The following C4orf17 variants were observed in gnomAD, a reference collection of about 807,000 sequenced individuals.
The protein encoded by C4orf17 is uncharacterized protein C4orf17.
In C4orf17, 25 loss-of-function variants were observed where a neutral mutation model predicts 32.0. The ratio of observed to expected loss-of-function variants is 0.78; its 90% CI spans 0.57 to 1.09. C4orf17 has a LOEUF of 1.09. C4orf17 is among the 50% of genes least tolerant of loss of function. The pLI is 0.00. For missense variants in C4orf17, 420 were observed against 420.0 expected, an observed-to-expected ratio of 1.00 and a Z score of 0.00; for synonymous variants, 149 against 145.8, an observed-to-expected ratio of 1.02 and a Z score of -0.16.
intron 5 of C4orf17, among the ~76,000 whole-genome samples, chr4:99,533,407 A>T (rs762032832): frequency 6.6e-6 from 1 of 152,200 alleles, no homozygotes; most frequent in Non-Finnish European, 1.5e-5. Context: ...ACTGGGCAAC[A>T]GACACTACAG....
chr4:99,518,122 C>T (rs1723216326), intron 2 of C4orf17, among the ~76,000 whole-genome samples: 1 of 152,120 alleles, frequency 6.6e-6, no homozygotes, highest in African/African-American at 2.4e-5. Flanking sequence ...GTCACAGCTC[C>T]ATTCTAGGCC....
At position 99,524,594 on chromosome 4, in the gene C4orf17, C is replaced by A; in HGVS notation, c.402+9C>A. The A allele has an allele frequency of 6.5e-7, 1 of 1,533,742 alleles. No individual in the cohort carries two copies. Among genetic ancestry groups the A allele is most frequent in the Admixed American group, 1.7e-5 (1 of 57,310 alleles). ...CCTTAGTAATTAAAAAGGTAAGGAA[C>A]AGCTATTTACTGCTATCTATTTAGT... On this transcript the variant is annotated intron_variant, in intron 4 of 8. Transcript: ENST00000326581.
Position 99,513,224 on chromosome 4 carries a change from G to T in C4orf17, c.127+16G>T. 1 of 1,613,384 alleles carries T rather than the reference G, an allele frequency of 6.2e-7. No individual in the cohort carries two copies. On this transcript the variant is annotated intron_variant, in intron 2 of 8. Coordinates refer to ENST00000326581, the MANE Select transcript of C4orf17 (RefSeq NM_032149.3). Reference sequence around the variant, plus strand: ...CACATCAAAGGTAAGGTGACTTAAGGTCCTAGTATGTGTCTCTATTCTCTA... The same window carrying T: ...CACATCAAAGGTAAGGTGACTTAAGTTCCTAGTATGTGTCTCTATTCTCTA...
chr4:99,537,697 A>T lies in C4orf17; in HGVS notation c.575A>T (p.His192Leu). ...KILAKLCSIL[H>L]TDSLAEVLQW... ...CTGGCAAAGCTCTGTAGCATTTTGC[A>T]TACTGATTCTCTGGCAGAAGTTTTA... is the stretch of plus-strand genomic sequence containing the variant. Residue 192 changes from histidine (H) to leucine (L), a missense_variant, in exon 6 of 9, where the codon CAT (histidine) becomes CTT (leucine). His to Leu is a moderately conservative substitution (Grantham distance 99). Transcript: ENST00000326581. 6.2e-7 allele frequency: 1 copy of T among 1,612,914 alleles called. No homozygotes were observed. Among genetic ancestry groups the T allele is most frequent in the Admixed American group, 1.7e-5 (1 of 60,028 alleles).
intron 2 of C4orf17, among the ~76,000 whole-genome samples, chr4:99,518,301 C>T (rs111894116): frequency 7.4e-4 from 111 of 150,924 alleles, no homozygotes; most frequent in African/African-American, 2.6e-3. Flanking sequence ...CACTTGCAAT[C>T]CCAACACTTT....
intron 2 of C4orf17, chr4:99,519,509 A>C (rs1723249176): frequency 6.6e-6 from 1 of 152,202 alleles, no homozygotes. Context: ...GATTTACCTC[A>C]ACTTCCTAAG....
At chr4:99,522,431 A>G in intron 2 of C4orf17, 69 bp from the exon 3 acceptor site, 1 of 1,224,326 alleles carries the variant, frequency 8.2e-7, no homozygotes, top group East Asian at 2.3e-5. Flanking sequence ...TTGATCATTC[A>G]AAGAAAACCT....
At chr4:99,515,230 T>G (rs1723160415) in intron 2 of C4orf17, among the ~76,000 whole-genome samples, 1 of 152,074 alleles carries the variant, frequency 6.6e-6, no homozygotes, top group Non-Finnish European at 1.5e-5. Flanking sequence ...CATTCTGTTA[T>G]AAAGACACCT....
intron 6 of C4orf17, among the ~76,000 whole-genome samples, chr4:99,537,971 T>A (rs1464228660): frequency 1.1e-4 from 16 of 152,188 alleles, no homozygotes; most frequent in Non-Finnish European, 1.5e-5. Flanking sequence ...TAAATTGAAC[T>A]CATTTGGGTG....
At chr4:99,527,219 T>C (rs903337401) in intron 4 of C4orf17, among the ~76,000 whole-genome samples, 1 of 152,356 alleles carries the variant, frequency 6.6e-6, no homozygotes, top group East Asian at 1.9e-4. Flanking sequence ...GATATCTTTA[T>C]GTTATTAATT....
chr4:99,520,874 C>G (rs1723277780), intron 2 of C4orf17, among the ~76,000 whole-genome samples: 1 of 152,016 alleles, frequency 6.6e-6, no homozygotes, highest in Non-Finnish European at 1.5e-5. Flanking sequence ...GTAAATAACT[C>G]CTGTAAGTTA....
intron 5 of C4orf17, among the ~76,000 whole-genome samples, chr4:99,530,946 A>G (rs1364174266): frequency 3.9e-5 from 6 of 152,024 alleles, no homozygotes; most frequent in Non-Finnish European, 8.8e-5. Context: ...TGATCTTTCT[A>G]TAATTTTCTC....
chr4:99,539,547 C>T (rs1723619127), intron 7 of C4orf17, among the ~76,000 whole-genome samples, 177 bp downstream of exon 7: 3 of 152,154 alleles, frequency 2.0e-5, no homozygotes, highest in Non-Finnish European at 4.4e-5. Flanking sequence ...AAGAATTGTT[C>T]TCAATTCTAT....
chr4:99,518,144 C>A (rs919727180), intron 2 of C4orf17, among the ~76,000 whole-genome samples: 1 of 152,088 alleles, frequency 6.6e-6, no homozygotes, highest in Admixed American at 6.6e-5. Context: ...CTGTTATCTC[C>A]TCCTTTGATG....
intron 4 of C4orf17, among the ~76,000 whole-genome samples, chr4:99,525,841 A>G (rs1723379103): frequency 6.6e-6 from 1 of 151,936 alleles, no homozygotes; most frequent in African/African-American, 2.4e-5. Flanking sequence ...ATAATGTTGT[A>G]AAAGTTCTTC....
At chr4:99,532,954 G>C (rs917265334) in intron 5 of C4orf17, among the ~76,000 whole-genome samples, 1 of 152,166 alleles carries the variant, frequency 6.6e-6, no homozygotes, top group Non-Finnish European at 1.5e-5. Flanking sequence ...CCAGTCAAGT[G>C]ACCTTCGTAT....
intron 5 of C4orf17, among the ~76,000 whole-genome samples, chr4:99,531,533 A>G (rs1185125782): frequency 6.6e-6 from 1 of 152,026 alleles, no homozygotes; most frequent in South Asian, 2.1e-4. Flanking sequence ...CTCCTCTCAA[A>G]AGCATCTTCT....
intron 5 of C4orf17, among the ~76,000 whole-genome samples, chr4:99,534,429 T>C (rs1560590530): frequency 6.6e-6 from 1 of 152,236 alleles, no homozygotes; most frequent in Non-Finnish European, 1.5e-5. Context: ...CGAATAGTGC[T>C]GCAGTGAACA....
rs1209919696 is a variant in C4orf17 at position 99,541,925 on chromosome 4, C to T, written c.896C>T (p.Pro299Leu). 1.9e-6 allele frequency: 3 copies of T among 1,613,136 alleles called. No homozygotes were observed. The highest frequency in any genetic ancestry group is 2.2e-5 in the East Asian group (1 of 44,838). Residue 299 changes from proline (P) to leucine (L), a missense_variant, in exon 9 of 9, where the codon CCT becomes CTT. Coordinates refer to ENST00000326581, the MANE Select transcript of C4orf17 (RefSeq NM_032149.3). Reference protein sequence around the residue: ...KEVPKEAEHKPPLLIRRNNMK... With the variant: ...KEVPKEAEHKLPLLIRRNNMK... Reference sequence around the variant, plus strand: ...TCTATTTCAGAGGCTGAGCACAAGCCTCCACTACTTATAAGAAGAAATAAT... The same window carrying T: ...TCTATTTCAGAGGCTGAGCACAAGCTTCCACTACTTATAAGAAGAAATAAT...
Sources: allele counts gnomAD v4.1 joint callset (sites outside exome capture counted in the v4.1 genomes callset), GRCh38; gene constraint gnomAD v4.1.1; transcripts MANE v1.5; gene names NCBI Gene and HGNC (gene_info 2026-07-23, HGNC 2026-07-21).